WWC2: variants seen among roughly 807,000 people sequenced by gnomAD.
WWC2 encodes WW and C2 domain containing 2.
WWC2 carries 101 observed loss-of-function variants against 138.5 expected under a neutral mutation model. The observed-to-expected ratio is 0.73, with a 90% CI of 0.62 to 0.86. The LOEUF is 0.86. WWC2 is among the 40% of genes least tolerant of loss of function. The probability of loss-of-function intolerance (pLI) is 0.00; values close to 1 mark genes in which losing one functional copy is unlikely to be tolerated. For synonymous variants in WWC2, 558 were observed against 538.4 expected, an observed-to-expected ratio of 1.04 and a Z score of -0.50; for missense variants, 1,420 against 1,419.4, an observed-to-expected ratio of 1.00 and a Z score of -0.01.
At chr4:183,313,947 G>T (rs1579081189) in intron 22 of WWC2, among the ~76,000 whole-genome samples, 1 of 151,660 alleles carries the variant, frequency 6.6e-6, no homozygotes, top group African/African-American at 2.4e-5. Context: ...TTGAGGTTTT[G>T]TATAGACGAG....
chr4:183,265,033 C>T lies in WWC2; in HGVS notation c.1965C>T (p.Thr655=), dbSNP rs772623890. 1 of 1,613,298 alleles carries T rather than the reference C, an allele frequency of 6.2e-7. No individual in the cohort carries two copies. Among genetic ancestry groups the T allele is most frequent in the Non-Finnish European group, 8.5e-7 (1 of 1,179,504 alleles). ...TGATCCACTTGCTTGGGGAGAAAAC[C>T]ACTTGTGTGTCGGCTGCTGTGTCTG... is the stretch of plus-strand genomic sequence containing the variant. ...RRVIHLLGEK[T]TCVSAAVSDE... The change falls in exon 12 of 23, where the codon ACC becomes ACT. Residue 655 remains threonine (T), a synonymous_variant. Transcript: ENST00000403733.
intron 1 of WWC2, among the ~76,000 whole-genome samples, chr4:183,112,389 C>T (rs1343692947): frequency 1.3e-5 from 2 of 152,236 alleles, no homozygotes; most frequent in Non-Finnish European, 2.9e-5. Flanking sequence ...CTTAGATTGC[C>T]TGTCCCCACA....
chr4:183,168,107 T>C (rs1334244451), intron 1 of WWC2, among the ~76,000 whole-genome samples: 1 of 151,792 alleles, frequency 6.6e-6, no homozygotes, highest in African/African-American at 2.4e-5. Flanking sequence ...CTGTCCACCT[T>C]GGTCCCAAAG....
chr4:183,104,109 G>A (rs1047892832), intron 1 of WWC2, among the ~76,000 whole-genome samples: 1 of 152,030 alleles, frequency 6.6e-6, no homozygotes, highest in African/African-American at 2.4e-5. Context: ...ACAGGCACCT[G>A]CCACCACGCC....
At chr4:183,283,126 A>G (rs1485121952) in intron 18 of WWC2, among the ~76,000 whole-genome samples, 1 of 152,244 alleles carries the variant, frequency 6.6e-6, no homozygotes, top group Non-Finnish European at 1.5e-5. Flanking sequence ...TTTGGAGAAT[A>G]TATAAGAAGA....
chr4:183,151,612 T>C (rs372088598), intron 1 of WWC2, among the ~76,000 whole-genome samples: 1 of 152,068 alleles, frequency 6.6e-6, no homozygotes. Flanking sequence ...GAAGTCCTTG[T>C]CCATGCCTAT....
chr4:183,157,117 A>G (rs771004394), intron 1 of WWC2, among the ~76,000 whole-genome samples: 2 of 152,180 alleles, frequency 1.3e-5, no homozygotes, highest in African/African-American at 4.8e-5. Flanking sequence ...TCCACATCCA[A>G]TTCAGGCTCA....
chr4:183,248,530 T>C (rs1580106976), intron 6 of WWC2, among the ~76,000 whole-genome samples, 184 bp from the exon 7 acceptor site: 1 of 152,202 alleles, frequency 6.6e-6, no homozygotes, highest in African/African-American at 2.4e-5. Flanking sequence ...CAAAGTCACA[T>C]GTATGGAGGT....
intron 11 of WWC2, 136 bp from the exon 12 acceptor site, chr4:183,264,842 A>G: frequency 2.1e-6 from 2 of 967,308 alleles, no homozygotes; most frequent in Non-Finnish European, 2.8e-6. Flanking sequence ...ACAGCTGTAG[A>G]TTTGAATATT....
At chr4:183,187,893 AT>A (rs1261479900) in intron 1 of WWC2, among the ~76,000 whole-genome samples, 1 of 152,038 alleles carries the variant, frequency 6.6e-6, no homozygotes, top group Non-Finnish European at 1.5e-5. Flanking sequence ...ATACATAAAA[AT>A]AAAAAAAAAA....
intron 21 of WWC2, among the ~76,000 whole-genome samples, chr4:183,292,733 C>T (rs557675190): frequency 8.1e-4 from 123 of 152,158 alleles, no homozygotes; most frequent in African/African-American, 2.7e-3. Flanking sequence ...CAAACTCTTC[C>T]GGACACTAGA....
chr4:183,286,053 CA>C lies in WWC2; in HGVS notation c.3139del (p.Arg1047GlyfsTer21). 6.4e-7 allele frequency: 1 copy of C among 1,573,154 alleles called. No individual in the cohort carries two copies. Among genetic ancestry groups the C allele is most frequent in the Non-Finnish European group, 8.6e-7 (1 of 1,157,634 alleles). On this transcript the variant is annotated frameshift_variant, in exon 20 of 23. Transcript: ENST00000403733. LOFTEE classifies it high-confidence loss of function. ...CCACCGAACGCCGCAGTTTGAGGGT[CA>C]AAAGGGTATGTATTCCCTCAGCCAC... ...NSTERRSLRV[K>X]RTVCQSVLRR...
intron 14 of WWC2, among the ~76,000 whole-genome samples, chr4:183,266,277 T>A (rs1204223549): frequency 6.6e-6 from 1 of 152,250 alleles, no homozygotes; most frequent in East Asian, 1.9e-4. Flanking sequence ...TTGTTACTAC[T>A]GTTGTTTAAG....
intron 1 of WWC2, among the ~76,000 whole-genome samples, chr4:183,176,812 C>T (rs1013971220): frequency 1.3e-5 from 2 of 152,156 alleles, no homozygotes; most frequent in Non-Finnish European, 2.9e-5. Context: ...GAAGAATGAT[C>T]ATCAGTGGCA....
intron 1 of WWC2, among the ~76,000 whole-genome samples, chr4:183,169,926 G>A (rs917377794): frequency 6.6e-6 from 1 of 152,190 alleles, no homozygotes; most frequent in Non-Finnish European, 1.5e-5. Context: ...CAATTAGGTA[G>A]ACTTTTACCT....
intron 1 of WWC2, among the ~76,000 whole-genome samples, chr4:183,144,265 T>C (rs1733386199): frequency 1.3e-5 from 2 of 152,202 alleles, no homozygotes; most frequent in Non-Finnish European, 2.9e-5. Context: ...TCGGGGAGCT[T>C]TTGCTTTGCT....
intron 1 of WWC2, among the ~76,000 whole-genome samples, chr4:183,170,047 A>G (rs1734233359): frequency 1.3e-5 from 2 of 152,200 alleles, no homozygotes; most frequent in Non-Finnish European, 2.9e-5. Flanking sequence ...TTTTCAAGTT[A>G]CTTGAAGGAT....
chr4:183,291,778 A>C (rs1738460093), intron 21 of WWC2, among the ~76,000 whole-genome samples: 1 of 152,212 alleles, frequency 6.6e-6, no homozygotes, highest in Non-Finnish European at 1.5e-5. Flanking sequence ...ACTGCTATCT[A>C]ATCTCCATTG....
chr4:183,300,053 G>A (rs1044375606), intron 21 of WWC2, among the ~76,000 whole-genome samples: 1 of 152,182 alleles, frequency 6.6e-6, no homozygotes, highest in African/African-American at 2.4e-5. Context: ...CCCTCAGGAA[G>A]CAGAGCAAGA....
Sources: allele counts gnomAD v4.1 joint callset (sites outside exome capture counted in the v4.1 genomes callset), GRCh38; gene constraint gnomAD v4.1.1; transcripts MANE v1.5; gene names NCBI Gene and HGNC (gene_info 2026-07-23, HGNC 2026-07-21).